The following MIGA1 variants were observed in gnomAD, a reference collection of about 807,000 sequenced individuals.
MIGA1 encodes the protein family with sequence similarity 73, member A.
In MIGA1, 58 loss-of-function variants were observed where a neutral mutation model predicts 82.0. That is an observed-to-expected ratio of 0.71 (90% CI 0.57 to 0.88). The LOEUF is 0.88. Among genes scored for constraint, MIGA1 ranks in the 40% least tolerant of loss-of-function variants. The pLI is 0.00. For missense variants in MIGA1, 751 were observed against 749.1 expected (o/e 1.00, Z -0.03); for synonymous variants, 249 against 253.6 (o/e 0.98, Z 0.17).
chr1:77,871,682 G>C (rs960533198), intron 14 of MIGA1, among the ~76,000 whole-genome samples: 1 of 152,052 alleles, frequency 6.6e-6, no homozygotes, highest in Admixed American at 6.6e-5. Flanking sequence ...TATAAATATA[G>C]AGTTTCCTAA....
At chr1:77,869,621 GTCC>G (rs1485350770) in intron 14 of MIGA1, among the ~76,000 whole-genome samples, 1 of 129,070 alleles carries the variant, frequency 7.7e-6, no homozygotes, top group African/African-American at 2.8e-5. Context: ...AGGCAGAGGG[GTCC>G]TCACTTCCCA....
In MIGA1 at chr1:77,850,302, T is replaced by C. The variant is rs2101908463; in HGVS notation, c.996+6895T>C. 2.0e-5 allele frequency among the ~76,000 whole-genome samples: 3 copies of C among 152,318 alleles called. No individual in the cohort carries two copies. The Middle Eastern group carries it at 0.01, about 518-fold the overall frequency. On this transcript the variant is annotated intron_variant, in intron 8 of 15. Coordinates refer to ENST00000370791, the MANE Select transcript of MIGA1 (RefSeq NM_198549.4). Reference sequence around the variant, plus strand: ...AAATCTCATTCTTTCATTTCCACAATGTGCTGTTGGTTACACAGGTTAGCC... The same window carrying C: ...AAATCTCATTCTTTCATTTCCACAACGTGCTGTTGGTTACACAGGTTAGCC...
chr1:77,853,584 TG>T, intron 8 of MIGA1: 1 of 164,450 alleles, frequency 6.1e-6, no homozygotes. Flanking sequence ...TAAAAATGAG[TG>T]GGAGGATCAC....
chr1:77,849,573 T>C (rs1221802580), intron 8 of MIGA1, among the ~76,000 whole-genome samples: 1 of 152,158 alleles, frequency 6.6e-6, no homozygotes, highest in Non-Finnish European at 1.5e-5. Context: ...ATACATCTTG[T>C]CTAAATAGCT....
At chr1:77,822,630 C>T (rs10518561) in intron 7 of MIGA1, among the ~76,000 whole-genome samples, 9,978 of 152,070 alleles carry the variant, frequency 0.066, 412 homozygotes, top group East Asian at 0.21. Context: ...TACTCACTTG[C>T]AAATCATTTT....
intron 10 of MIGA1, chr1:77,859,815 A>G: frequency 2.2e-6 from 1 of 448,238 alleles, no homozygotes; most frequent in East Asian, 3.6e-5. Context: ...TATGATTTTG[A>G]ACAGAATTTA....
At chr1:77,871,084 C>A (rs1431631242) in intron 14 of MIGA1, among the ~76,000 whole-genome samples, 1 of 66,532 alleles carries the variant, frequency 1.5e-5, no homozygotes, top group Non-Finnish European at 2.6e-5. Flanking sequence ...TGGAAGGAGA[C>A]CGTGGGAAGG....
intron 13 of MIGA1, 47 bp downstream of exon 13, chr1:77,864,075 G>C (rs779505149): frequency 1.3e-6 from 2 of 1,587,102 alleles, no homozygotes; most frequent in African/African-American, 1.4e-5. Flanking sequence ...TGATTAAAAA[G>C]TGAGGCTGGG....
chr1:77,793,858 C>T (rs1455349265), intron 2 of MIGA1, among the ~76,000 whole-genome samples: 9 of 149,560 alleles, frequency 6.0e-5, no homozygotes, highest in African/African-American at 2.2e-4. Flanking sequence ...GTGATCTCAG[C>T]TCACTGCAAC....
At chr1:77,789,729 T>C (rs907698852) in intron 2 of MIGA1, among the ~76,000 whole-genome samples, 1 of 152,020 alleles carries the variant, frequency 6.6e-6, no homozygotes, top group Non-Finnish European at 1.5e-5. Context: ...TCCTGAGTGC[T>C]CTTGATAAAA....
rs200141831 is a variant in MIGA1, at chr1:77,878,665, A to G, written c.*3601A>G. ...AAGAAAGAAGATAAATTTTGAGGCA[A>G]TTTACATTTGGTATTTCTTTTAATT... is the stretch of plus-strand genomic sequence containing the variant. On this transcript the variant is annotated 3_prime_UTR_variant, in exon 16 of 16. Transcript: ENST00000370791. 14 of 335,890 alleles carry G rather than the reference A, an allele frequency of 4.2e-5. No individual in the cohort carries two copies. The highest frequency in any genetic ancestry group is 2.0e-4 in the East Asian group (5 of 24,792). 20.8% of individuals were successfully genotyped at this position (335,890 alleles called of 1,614,324 possible). A position where few individuals can be genotyped will look rare whatever the true frequency, so the allele number is the denominator to read the frequency against.
intron 8 of MIGA1, among the ~76,000 whole-genome samples, chr1:77,849,926 G>A (rs923679211): frequency 4.0e-5 from 6 of 151,670 alleles, no homozygotes; most frequent in East Asian, 1.9e-4. Flanking sequence ...TCCCAGCTAC[G>A]TAGTAGGCTG....
intron 13 of MIGA1, among the ~76,000 whole-genome samples, chr1:77,865,416 C>A (rs1189683627): frequency 2.0e-5 from 3 of 151,980 alleles, no homozygotes; most frequent in African/African-American, 7.2e-5. Flanking sequence ...CATAGTGACA[C>A]CTCGTCTCTA....
chr1:77,844,135 T>G (rs770276371), intron 8 of MIGA1, among the ~76,000 whole-genome samples: 4,575 of 112,550 alleles, frequency 0.041, 196 homozygotes, highest in South Asian at 0.13. Flanking sequence ...TATATATATA[T>G]ATAGATAGAT....
In MIGA1 at chr1:77,863,973, C is replaced by T. The variant is rs749775567; in HGVS notation, c.1454C>T (p.Thr485Ile). Residue 485 changes from threonine to isoleucine, a missense_variant, in exon 13 of 16, where the codon ACA (threonine) becomes ATA (isoleucine). Physicochemically the swap from Thr to Ile is moderately conservative, Grantham distance 89 (BLOSUM62 -1). Transcript: ENST00000370791. ...TTTGAAGATTTGGAAAACCCACCCA[C>T]ATCCATACAGAATGTAGTAAATAAT... is the stretch of plus-strand genomic sequence containing the variant. 6.2e-7 allele frequency: 1 copy of T among 1,608,374 alleles called. No homozygotes were observed. Among genetic ancestry groups the T allele is most frequent in the Admixed American group, 1.7e-5 (1 of 58,124 alleles).
intron 1 of MIGA1, among the ~76,000 whole-genome samples, chr1:77,780,881 G>A (rs1441302634): frequency 6.6e-6 from 1 of 151,314 alleles, no homozygotes; most frequent in East Asian, 1.9e-4. Flanking sequence ...CAAAAATAGA[G>A]GTTTGTCATA....
intron 8 of MIGA1, among the ~76,000 whole-genome samples, chr1:77,846,249 GCTTT>G (rs1327108891): frequency 2.6e-5 from 4 of 151,984 alleles, no homozygotes; most frequent in African/African-American, 9.7e-5. Flanking sequence ...GTTGTATTTG[GCTTT>G]CTTTCACTTA....
chr1:77,848,540 G>C, intron 8 of MIGA1: 2 of 1,295,688 alleles, frequency 1.5e-6, no homozygotes, highest in Non-Finnish European at 2.2e-6. Context: ...GACCAAGAAA[G>C]ATCCAACAAA....
At chr1:77,857,743 T>TA (rs55710484) in intron 8 of MIGA1, among the ~76,000 whole-genome samples, 12 of 148,944 alleles carry the variant, frequency 8.1e-5, no homozygotes, top group African/African-American at 3.0e-4. Flanking sequence ...TTTTTTTTTT[T>TA]GCTTAGCTGG....
Sources: allele counts gnomAD v4.1 joint callset (sites outside exome capture counted in the v4.1 genomes callset), GRCh38; gene constraint gnomAD v4.1.1; transcripts MANE v1.5; gene names NCBI Gene and HGNC (gene_info 2026-07-23, HGNC 2026-07-21).